Variants in PRKG1 observed in about 807,000 individuals in gnomAD.
PRKG1 encodes the protein cGMP-dependent protein kinase 1.
In PRKG1, 35 loss-of-function variants were observed where a neutral mutation model predicts 88.1. That is an observed-to-expected ratio of 0.40 (90% confidence interval 0.30 to 0.53). The LOEUF (loss-of-function observed/expected upper bound fraction) is 0.53. PRKG1 is among the 20% of genes least tolerant of loss of function. The pLI, the probability that PRKG1 is intolerant of heterozygous loss-of-function variation, is 0.59. For missense variants in PRKG1, 540 were observed against 839.8 expected, an observed-to-expected ratio of 0.64 and a Z score of 4.41; for synonymous variants, 303 against 292.5, an observed-to-expected ratio of 1.04 and a Z score of -0.37.
chr10:52,066,662 T>C (rs1846363017), intron 7 of PRKG1, among the ~76,000 whole-genome samples: 2 of 152,206 alleles, frequency 1.3e-5, no homozygotes, highest in Non-Finnish European at 2.9e-5. Flanking sequence ...TCTTATGTGA[T>C]GAGGACGGAA....
intron 7 of PRKG1, among the ~76,000 whole-genome samples, chr10:52,069,057 C>T (rs1319471626): frequency 7.1e-6 from 1 of 141,052 alleles, no homozygotes; most frequent in Non-Finnish European, 1.6e-5. Flanking sequence ...ATGCCAGGCC[C>T]TGTTCATGTT....
chr10:51,363,527 G>C (rs1842528106), intron 2 of PRKG1, among the ~76,000 whole-genome samples: 1 of 151,968 alleles, frequency 6.6e-6, no homozygotes, highest in Non-Finnish European at 1.5e-5. Flanking sequence ...AAATTAAATA[G>C]AGGTGTCAAA....
intron 3 of PRKG1, among the ~76,000 whole-genome samples, chr10:51,652,838 A>T (rs1408617856): frequency 8.5e-5 from 13 of 152,160 alleles, no homozygotes. Flanking sequence ...CCTCCTGTCT[A>T]ATTGAAACTT....
At chr10:51,600,622 G>C (rs1189530675) in intron 3 of PRKG1, among the ~76,000 whole-genome samples, 1 of 152,064 alleles carries the variant, frequency 6.6e-6, no homozygotes, top group Non-Finnish European at 1.5e-5. Flanking sequence ...ATTTCAATCT[G>C]TAATAAATAT....
chr10:51,953,337 T>C (rs1843228626), intron 5 of PRKG1, among the ~76,000 whole-genome samples: 1 of 151,990 alleles, frequency 6.6e-6, no homozygotes, highest in African/African-American at 2.4e-5. Flanking sequence ...AGAAGTGACA[T>C]GTGCAGGCTT....
intron 4 of PRKG1, among the ~76,000 whole-genome samples, chr10:51,816,029 C>T (rs1210343862): frequency 6.6e-6 from 1 of 152,196 alleles, no homozygotes; most frequent in Non-Finnish European, 1.5e-5. Context: ...CACCTGCCTC[C>T]TTACACACAT....
At chr10:51,319,294 T>G (rs1841397334) in intron 2 of PRKG1, among the ~76,000 whole-genome samples, 1 of 152,210 alleles carries the variant, frequency 6.6e-6, no homozygotes, top group Non-Finnish European at 1.5e-5. Flanking sequence ...GCTCTATTCC[T>G]CCAGGGAAAG....
At chr10:52,176,524 AAT>A (rs1838873346) in intron 9 of PRKG1, among the ~76,000 whole-genome samples, 1 of 152,078 alleles carries the variant, frequency 6.6e-6, no homozygotes, top group African/African-American at 2.4e-5. Context: ...GTTCCATACA[AAT>A]TTTAAGATTT....
At chr10:52,218,150 T>C (rs1840157325) in intron 9 of PRKG1, among the ~76,000 whole-genome samples, 1 of 146,082 alleles carries the variant, frequency 6.8e-6, no homozygotes, top group South Asian at 2.2e-4. Flanking sequence ...AGGCAGAGGT[T>C]ACAGTGAGCC....
At chr10:51,452,392 A>G (rs1433306991) in intron 2 of PRKG1, among the ~76,000 whole-genome samples, 2 of 151,840 alleles carry the variant, frequency 1.3e-5, no homozygotes, top group Admixed American at 1.3e-4. Context: ...AATGCTTTCA[A>G]CTTTTCCCCA....
intron 4 of PRKG1, among the ~76,000 whole-genome samples, chr10:51,823,866 CTTTTTTTTTTTT>C (rs5784887): frequency 1.0e-4 from 8 of 78,736 alleles, no homozygotes; most frequent in South Asian, 5.2e-4. Flanking sequence ...TTTCTCTCTC[CTTTTTTTTTTTT>C]TTTTTTTTTT....
chr10:51,462,491 G>C (rs780414488), intron 2 of PRKG1, among the ~76,000 whole-genome samples: 1 of 152,160 alleles, frequency 6.6e-6, no homozygotes, highest in Non-Finnish European at 1.5e-5. Flanking sequence ...CACAGAAGTA[G>C]ATATGCTATA....
intron 4 of PRKG1, among the ~76,000 whole-genome samples, chr10:51,891,883 A>G (rs1251536046): frequency 2.6e-5 from 4 of 152,198 alleles, no homozygotes; most frequent in Non-Finnish European, 5.9e-5. Flanking sequence ...ACAATACAAG[A>G]ACTTTGCCTT....
chr10:51,617,853 T>C (rs1018925181), intron 3 of PRKG1, among the ~76,000 whole-genome samples: 2 of 152,204 alleles, frequency 1.3e-5, no homozygotes, highest in African/African-American at 4.8e-5. Context: ...AAGCAAAGTA[T>C]TGGTCATGCT....
chr10:51,979,173 A>T (rs1379578714), intron 5 of PRKG1, among the ~76,000 whole-genome samples: 2 of 151,852 alleles, frequency 1.3e-5, no homozygotes, highest in Admixed American at 1.3e-4. Flanking sequence ...ACGTGAAGAG[A>T]TATTTAATTT....
At chr10:51,330,797 T>G (rs1160909370) in intron 2 of PRKG1, among the ~76,000 whole-genome samples, 6 of 152,242 alleles carry the variant, frequency 3.9e-5, no homozygotes, top group Non-Finnish European at 8.8e-5. Context: ...ATTTTGAATC[T>G]TTTTCAAGCA....
intron 3 of PRKG1, among the ~76,000 whole-genome samples, chr10:51,639,148 T>A (rs1839730111): frequency 1.3e-5 from 2 of 151,796 alleles, no homozygotes; most frequent in East Asian, 1.9e-4. Context: ...AAACAAGACA[T>A]GAGAGGCTGG....
intron 2 of PRKG1, among the ~76,000 whole-genome samples, chr10:51,430,227 C>A (rs1838722741): frequency 6.6e-6 from 1 of 151,402 alleles, no homozygotes; most frequent in South Asian, 2.1e-4. Context: ...CCAGCCTGGG[C>A]AACATAGCAA....
chr10:51,106,522 A>G (rs1324936092), intron 1 of PRKG1, among the ~76,000 whole-genome samples: 3 of 152,276 alleles, frequency 2.0e-5, no homozygotes, highest in South Asian at 2.1e-4. Context: ...ATTTCTTAAG[A>G]CATCAGCACC....
Sources: gnomAD v4.1 joint callset for allele counts (sites outside exome capture counted in the v4.1 genomes callset) on GRCh38, gnomAD v4.1.1 for gene constraint, MANE v1.5 for transcripts, NCBI Gene and HGNC (gene_info 2026-07-23, HGNC 2026-07-21) for gene names.